GABPB2: variants seen among roughly 807,000 people sequenced by gnomAD.
The protein encoded by GABPB2 is GA binding protein transcription factor subunit beta 2, also known as GA-binding protein subunit beta-2.
A neutral mutation model predicts 39.1 loss-of-function variants in GABPB2; 23 were observed. The observed-to-expected ratio is 0.59, with a 90% CI of 0.42 to 0.83. GABPB2 has a LOEUF of 0.83. GABPB2 is among the 40% of genes least tolerant of loss of function. The pLI, the probability that GABPB2 is intolerant of heterozygous loss-of-function variation, is 0.00. For missense variants in GABPB2, 467 were observed against 541.1 expected (o/e 0.86, Z 1.36); for synonymous variants, 184 against 199.3 (o/e 0.92, Z 0.65).
chr1:151,120,385 C>G lies in GABPB2; in HGVS notation c.*2129C>G, dbSNP rs1301665956. 6.6e-6 allele frequency: 1 copy of G among 152,262 alleles called. No individual in the cohort carries two copies. The highest frequency in any genetic ancestry group is 1.5e-5 in the Non-Finnish European group (1 of 68,194). 9.4% of individuals were successfully genotyped at this position (152,262 alleles called of 1,614,324 possible). Reference sequence around the variant, plus strand: ...ATTAGCTGGGTGTGGTGGCACATGCCTGTAATCCCAGCTACTCAGGAGGCT... The same window carrying G: ...ATTAGCTGGGTGTGGTGGCACATGCGTGTAATCCCAGCTACTCAGGAGGCT... On this transcript the variant is annotated 3_prime_UTR_variant, in exon 9 of 9. Transcript: ENST00000368918.
intron 3 of GABPB2, 114 bp from the exon 4 acceptor site, chr1:151,093,078 T>G: frequency 1.3e-6 from 1 of 754,444 alleles, no homozygotes; most frequent in South Asian, 2.7e-5. Context: ...TCCTTAAATG[T>G]GATCTAGATT....
At chr1:151,100,763 T>A (rs1242948630) in intron 5 of GABPB2, among the ~76,000 whole-genome samples, 5 of 149,822 alleles carry the variant, frequency 3.3e-5, no homozygotes, top group Non-Finnish European at 3.0e-5. Flanking sequence ...AATTTTTGTA[T>A]TTTTAGAAGA....
chr1:151,103,652 T>C lies in GABPB2; in HGVS notation c.713T>C (p.Leu238Pro). ...GCTCTTGCTGAGGCATCAGTCCCCC[T>C]CTCCAACTCACACAGAGCCACAGGT... ...LAALAEASVP[L>P]SNSHRATANT... Residue 238 changes from leucine (L) to proline (P), a missense_variant, in exon 6 of 9, where the codon CTC becomes CCC. Leu to Pro is a moderately conservative substitution (Grantham distance 98). Transcript: ENST00000368918. 6.2e-7 allele frequency: 1 copy of C among 1,613,600 alleles called. No homozygotes were observed. The highest frequency in any genetic ancestry group is 8.5e-7 in the Non-Finnish European group (1 of 1,179,496).
chr1:151,082,394 T>C (rs1475617427), intron 1 of GABPB2, among the ~76,000 whole-genome samples: 2 of 5,320 alleles, frequency 3.8e-4, no homozygotes, highest in Non-Finnish European at 6.9e-4. Context: ...GGTAATTTCT[T>C]TTTTTTTTTT....
intron 1 of GABPB2, 45 bp from the exon 2 acceptor site, chr1:151,088,145 G>T (rs2101479635): frequency 7.3e-7 from 1 of 1,372,956 alleles, no homozygotes; most frequent in South Asian, 1.2e-5. Context: ...CTTTCCTTAT[G>T]TTCGAGTTAT....
chr1:151,090,781 C>A (rs1050619422), intron 3 of GABPB2, among the ~76,000 whole-genome samples: 2 of 151,682 alleles, frequency 1.3e-5, no homozygotes, highest in Admixed American at 1.3e-4. Flanking sequence ...ATCACAAGGT[C>A]AGGAATTCGA....
In GABPB2 at chr1:151,090,596, G is replaced by A. The variant is rs200618832; in HGVS notation, c.276+23G>A. ...CGGGTAAAGCAAGAATAGGGGCAAG[G>A]TTATGTTGTTAAAAAGGCATCCACT... On this transcript the variant is annotated intron_variant, in intron 3 of 8. Coordinates refer to ENST00000368918, the MANE Select transcript of GABPB2 (RefSeq NM_144618.3). 2.4e-5 allele frequency: 38 copies of A among 1,607,692 alleles called. No homozygotes were observed. The Admixed American group carries it at 4.1e-4, about 17-fold the overall frequency.
rs999570399 is a variant in GABPB2 at position 151,124,550 on chromosome 1, T to C, written c.*6294T>C. On this transcript the variant is annotated 3_prime_UTR_variant, in exon 9 of 9. Transcript: ENST00000368918. Reference sequence around the variant, plus strand: ...AGACCTCCAGAGCTGGAAAATTTGATGCATTTACTGAACTCTTCCTGAAAG... The same window carrying C: ...AGACCTCCAGAGCTGGAAAATTTGACGCATTTACTGAACTCTTCCTGAAAG... 1.3e-5 allele frequency: 2 copies of C among 151,916 alleles called. No homozygotes were observed. The highest frequency in any genetic ancestry group is 4.8e-5 in the African/African-American group (2 of 41,328). The allele number at this position is 151,916 out of a possible 1,614,324, so 9.4% of individuals were successfully genotyped here.
At chr1:151,071,061 G>A (rs996280912) in intron 1 of GABPB2, 127 bp downstream of exon 1, 2 of 152,264 alleles carry the variant, frequency 1.3e-5, no homozygotes, top group Non-Finnish European at 1.5e-5. Context: ...GCGGCTCCCC[G>A]TCACTGAAGC....
rs993379650 is a variant in GABPB2, at chr1:151,093,239, G to A, written c.324G>A (p.Leu108=). 3 of 1,609,452 alleles carry A rather than the reference G, an allele frequency of 1.9e-6. No homozygotes were observed. Among genetic ancestry groups the A allele is most frequent in the Non-Finnish European group, 2.5e-6 (3 of 1,178,246 alleles). Residue 108 remains leucine, a synonymous_variant, in exon 4 of 9, where the codon TTG becomes TTA. Coordinates refer to ENST00000368918, the MANE Select transcript of GABPB2 (RefSeq NM_144618.3). Reference sequence around the variant, plus strand: ...AGGACATGCTGAAGATGACAGCTTTGCATTGGGCCACAGAGCGCCACCATC... The same window carrying A: ...AGGACATGCTGAAGATGACAGCTTTACATTGGGCCACAGAGCGCCACCATC... ...NAKDMLKMTA[L]HWATERHHRD... is the part of the protein sequence containing the mutation.
At position 151,123,978 on chromosome 1, in the gene GABPB2, C is replaced by T. The variant is rs1189705310; in HGVS notation, c.*5722C>T. ...GGAGGATCACTTGAGGCCAGGCCAG[C>T]GTGGTGAAACTCAGTCTCTACTAAA... On this transcript the variant is annotated 3_prime_UTR_variant, in exon 9 of 9. Transcript: ENST00000368918. 3 of 140,864 alleles carry T rather than the reference C, an allele frequency of 2.1e-5. No homozygotes were observed. The highest frequency in any genetic ancestry group is 4.5e-5 in the Non-Finnish European group (3 of 66,346). The allele number at this position is 140,864 out of a possible 1,614,324, so 8.7% of individuals were successfully genotyped here.
rs587774054 is a variant in GABPB2, at chr1:151,097,272, G to A, written c.472-580G>A. ...TCATAGAGGTTGATTGAATTGTCTA[G>A]AAGTTTTTGCAAATGATACACCTTT... On this transcript the variant is annotated intron_variant, in intron 4 of 8. Transcript: ENST00000368918. Among the ~76,000 whole-genome samples, 73 of 152,160 alleles carry A rather than the reference G, an allele frequency of 4.8e-4. 1 individual carries two copies. The South Asian group carries it at 0.015, about 31-fold the overall frequency.
At chr1:151,102,390 T>A (rs1281642904) in intron 5 of GABPB2, among the ~76,000 whole-genome samples, 1 of 152,220 alleles carries the variant, frequency 6.6e-6, no homozygotes, top group African/African-American at 2.4e-5. Context: ...TTTAGCGTTT[T>A]TAGTGTTAAT....
At chr1:151,093,544 C>A (rs1678877742) in intron 4 of GABPB2, among the ~76,000 whole-genome samples, 158 bp downstream of exon 4, 1 of 151,536 alleles carries the variant, frequency 6.6e-6, no homozygotes, top group Non-Finnish European at 1.5e-5. Flanking sequence ...CTTTAAAATA[C>A]AGCTATGTAT....
chr1:151,085,176 T>C (rs1409972961), intron 1 of GABPB2, among the ~76,000 whole-genome samples: 1 of 151,514 alleles, frequency 6.6e-6, no homozygotes, highest in African/African-American at 2.4e-5. Flanking sequence ...GGCAGGCAGA[T>C]CATCTGAGGT....
At chr1:151,111,187 G>A (rs922662545) in intron 7 of GABPB2, among the ~76,000 whole-genome samples, 1 of 151,892 alleles carries the variant, frequency 6.6e-6, no homozygotes, top group Non-Finnish European at 1.5e-5. Context: ...ATGACTTACG[G>A]CAGTCTTGAT....
At position 151,081,641 on chromosome 1, in the gene GABPB2, T is replaced by TTA. The variant is rs1402932026; in HGVS notation, c.1-6548_1-6547insAT. On this transcript the variant is annotated intron_variant, in intron 1 of 8. Coordinates refer to ENST00000368918, the MANE Select transcript of GABPB2 (RefSeq NM_144618.3). ...ACAGCTGCATTCTCATTATTATTTA[T>TTA]TTTTTTTTTTTTAGATGGTGTCTCG... 3.2e-3 allele frequency among the ~76,000 whole-genome samples: 484 copies of TTA among 148,962 alleles called. 1 individual carries two copies. The highest frequency in any genetic ancestry group is 7.5e-3 in the South Asian group (36 of 4,774).
chr1:151,105,883 C>T (rs1335845560), intron 6 of GABPB2, among the ~76,000 whole-genome samples: 1 of 152,116 alleles, frequency 6.6e-6, no homozygotes, highest in Non-Finnish European at 1.5e-5. Context: ...TTGACTACTT[C>T]ACATATTATT....
intron 6 of GABPB2, among the ~76,000 whole-genome samples, chr1:151,104,478 G>C (rs998130877): frequency 1.1e-4 from 17 of 152,206 alleles, no homozygotes; most frequent in Admixed American, 7.9e-4. Context: ...AGATGTATAT[G>C]AGGGAACAAC....
Sources: gnomAD v4.1 joint callset for allele counts (sites outside exome capture counted in the v4.1 genomes callset) on GRCh38, gnomAD v4.1.1 for gene constraint, MANE v1.5 for transcripts, NCBI Gene and HGNC (gene_info 2026-07-23, HGNC 2026-07-21) for gene names.